CDH6: variants seen among roughly 807,000 people sequenced by gnomAD.
CDH6 encodes cadherin-6.
In CDH6, 31 loss-of-function variants were observed where a neutral mutation model predicts 78.0. That is an observed-to-expected ratio of 0.40 (90% CI 0.30 to 0.54). The LOEUF is 0.54. Among genes scored for constraint, CDH6 ranks in the 20% least tolerant of loss-of-function variants. CDH6 has a pLI of 0.56. For synonymous variants in CDH6, 376 were observed against 368.8 expected (o/e 1.02, Z -0.23); for missense variants, 724 against 975.9 (o/e 0.74, Z 3.44).
chr5:31,241,438 G>A (rs11960676), intron 1 of CDH6, among the ~76,000 whole-genome samples: 3,613 of 152,330 alleles, frequency 0.024, 127 homozygotes, highest in African/African-American at 0.079. Flanking sequence ...CCAGGCTCTC[G>A]TCTGAAGTGT....
chr5:31,298,287 A>G (rs1737666999), intron 4 of CDH6, among the ~76,000 whole-genome samples: 1 of 152,234 alleles, frequency 6.6e-6, no homozygotes, highest in Admixed American at 6.5e-5. Context: ...TATTCTTAGT[A>G]GAAATCAAAA....
intron 4 of CDH6, 114 bp downstream of exon 4, chr5:31,297,522 C>A: frequency 1.5e-6 from 1 of 688,774 alleles, no homozygotes; most frequent in Non-Finnish European, 2.4e-6. Context: ...TTGCATACAT[C>A]CACCAAACAC....
chr5:31,252,556 G>A (rs1252601232), intron 1 of CDH6, among the ~76,000 whole-genome samples: 1 of 152,112 alleles, frequency 6.6e-6, no homozygotes, highest in African/African-American at 2.4e-5. Flanking sequence ...CATGTTCAGG[G>A]AAACTCGTGT....
rs1189702920 is a variant in CDH6, at chr5:31,325,521, A to G, written c.*2213A>G. On this transcript the variant is annotated 3_prime_UTR_variant, in exon 12 of 12. Transcript: ENST00000265071. ...TTACTGTAAAATTAAAGAGGTCTCT[A>G]TCTGTATGTTTCATGTCACGTAACA... The G allele has an allele frequency of 4.3e-6, 1 of 230,968 alleles. No individual in the cohort carries two copies. Among genetic ancestry groups the G allele is most frequent in the Non-Finnish European group, 8.6e-6 (1 of 116,772 alleles). 14.3% of individuals were successfully genotyped at this position (230,968 alleles called of 1,614,324 possible). A position where few individuals can be genotyped will look rare whatever the true frequency, so the allele number is the denominator to read the frequency against.
At chr5:31,234,010 A>G (rs1304277218) in intron 1 of CDH6, among the ~76,000 whole-genome samples, 1 of 151,728 alleles carries the variant, frequency 6.6e-6, no homozygotes, top group African/African-American at 2.4e-5. Context: ...ATGGCTTTTG[A>G]ACAAATGAAA....
At chr5:31,212,604 A>C (rs1740738456) in intron 1 of CDH6, among the ~76,000 whole-genome samples, 1 of 152,176 alleles carries the variant, frequency 6.6e-6, no homozygotes, top group South Asian at 2.1e-4. Flanking sequence ...ATTAAGTAAG[A>C]ATGGGAGATG....
At chr5:31,212,662 A>G (rs893025557) in intron 1 of CDH6, among the ~76,000 whole-genome samples, 2 of 152,090 alleles carry the variant, frequency 1.3e-5, no homozygotes. Context: ...GTATTACTCT[A>G]ACCTGTTTGC....
At chr5:31,211,275 T>C (rs936023759) in intron 1 of CDH6, among the ~76,000 whole-genome samples, 2 of 152,184 alleles carry the variant, frequency 1.3e-5, no homozygotes, top group African/African-American at 4.8e-5. Context: ...GTGAGCACTT[T>C]CCATGCTCTG....
At chr5:31,210,898 T>C (rs1740686994) in intron 1 of CDH6, among the ~76,000 whole-genome samples, 1 of 152,222 alleles carries the variant, frequency 6.6e-6, no homozygotes, top group Non-Finnish European at 1.5e-5. Context: ...CCAACTGTAT[T>C]GTATAAGCAA....
intron 1 of CDH6, among the ~76,000 whole-genome samples, chr5:31,219,665 T>A (rs527364106): frequency 2.6e-5 from 4 of 152,320 alleles, no homozygotes; most frequent in African/African-American, 9.6e-5. Context: ...TTTATTTGTA[T>A]ATTGTCCAAT....
At chr5:31,222,982 C>G (rs1269919954) in intron 1 of CDH6, among the ~76,000 whole-genome samples, 1 of 152,104 alleles carries the variant, frequency 6.6e-6, no homozygotes, top group Non-Finnish European at 1.5e-5. Flanking sequence ...CTCTCTCTCT[C>G]TCCCGCACTT....
intron 1 of CDH6, among the ~76,000 whole-genome samples, chr5:31,211,947 A>G (rs1322312783): frequency 1.3e-5 from 2 of 152,202 alleles, no homozygotes; most frequent in Non-Finnish European, 2.9e-5. Context: ...TAAAAGCTCC[A>G]TATTTAATTA....
At chr5:31,229,116 T>C (rs552557773) in intron 1 of CDH6, among the ~76,000 whole-genome samples, 7 of 152,154 alleles carry the variant, frequency 4.6e-5, no homozygotes, top group Non-Finnish European at 8.8e-5. Context: ...CTGCCCAAAC[T>C]ATATCATTTT....
rs1419661966 is a variant in CDH6 at position 31,313,238 on chromosome 5, C to A, written c.1254-80C>A. 4.7e-6 allele frequency: 6 copies of A among 1,288,668 alleles called. No individual in the cohort carries two copies. In the African/African-American group the frequency reaches 7.4e-5, roughly 16 times the overall value. 79.8% of individuals were successfully genotyped at this position (1,288,668 alleles called of 1,614,324 possible). A position where few individuals can be genotyped will look rare whatever the true frequency, so the allele number is the denominator to read the frequency against. On this transcript the variant is annotated intron_variant, in intron 7 of 11. Coordinates refer to ENST00000265071, the MANE Select transcript of CDH6 (RefSeq NM_004932.4). ...AGATACTCTGGGATATGATGTGTAC[C>A]AGATGTTTTATGATGTTCTATGATG...
chr5:31,273,613 C>T (rs1365227791), intron 2 of CDH6, among the ~76,000 whole-genome samples: 1 of 152,098 alleles, frequency 6.6e-6, no homozygotes, highest in Non-Finnish European at 1.5e-5. Flanking sequence ...GTCCACTTTG[C>T]AAAGCCATTT....
intron 1 of CDH6, among the ~76,000 whole-genome samples, chr5:31,239,134 T>C (rs1434877310): frequency 6.6e-6 from 1 of 152,210 alleles, no homozygotes. Context: ...GGTAGATACA[T>C]ATTGAAATCT....
At position 31,328,441 on chromosome 5, in the gene CDH6, G is replaced by T. The variant is rs1738663477; in HGVS notation, c.*5133G>T. 4.8e-6 allele frequency: 1 copy of T among 206,524 alleles called. No individual in the cohort carries two copies. The highest frequency in any genetic ancestry group is 2.3e-5 in the African/African-American group (1 of 43,832). 12.8% of individuals were successfully genotyped at this position (206,524 alleles called of 1,614,324 possible). Reference sequence around the variant, plus strand: ...TATAGAATTACCAGGCATTCGTGGGGAATGCTGTGTAGCAAATGTAAAACT... The same window carrying T: ...TATAGAATTACCAGGCATTCGTGGGTAATGCTGTGTAGCAAATGTAAAACT... On this transcript the variant is annotated 3_prime_UTR_variant, in exon 12 of 12. Transcript: ENST00000265071.
chr5:31,271,833 A>G (rs913998938), intron 2 of CDH6, among the ~76,000 whole-genome samples: 3 of 152,160 alleles, frequency 2.0e-5, no homozygotes, highest in African/African-American at 7.2e-5. Flanking sequence ...CAAGATCCCC[A>G]GGTGAATCGT....
intron 8 of CDH6, 88 bp from the exon 9 acceptor site, chr5:31,316,120 G>A (rs1388159026): frequency 7.2e-7 from 1 of 1,389,636 alleles, no homozygotes; most frequent in Non-Finnish European, 9.8e-7. Context: ...GTGCATGAAT[G>A]AGAATGAAGG....
Sources: gnomAD v4.1 joint callset for allele counts (sites outside exome capture counted in the v4.1 genomes callset) on GRCh38, gnomAD v4.1.1 for gene constraint, MANE v1.5 for transcripts, NCBI Gene and HGNC (gene_info 2026-07-23, HGNC 2026-07-21) for gene names.